The following TUSC3 variants were observed in gnomAD, a reference collection of about 807,000 sequenced individuals.
TUSC3 encodes the protein tumor suppressor candidate 3, also known as dolichyl-diphosphooligosaccharide--protein glycosyltransferase subunit TUSC3.
A neutral mutation model predicts 44.8 loss-of-function variants in TUSC3; 45 were observed. The observed-to-expected ratio is 1.00, with a 90% CI of 0.79 to 1.29. The LOEUF is 1.29. Among genes scored for constraint, TUSC3 ranks in the 50% most tolerant of loss-of-function variants. The probability of loss-of-function intolerance (pLI) is 0.00; values close to 1 mark genes in which losing one functional copy is unlikely to be tolerated. For missense variants in TUSC3, 519 were observed against 437.9 expected (o/e 1.19, Z -1.65); for synonymous variants, 212 against 152.9 (o/e 1.39, Z -2.85).
At chr8:15,505,337 T>C (rs1801038109) in intron 2 of TUSC3, among the ~76,000 whole-genome samples, 2 of 152,246 alleles carry the variant, frequency 1.3e-5, no homozygotes, top group Non-Finnish European at 2.9e-5. Flanking sequence ...GCCAGACTTT[T>C]CATGTGTTAT....
intron 9 of TUSC3, among the ~76,000 whole-genome samples, chr8:15,750,568 A>T (rs1811654577): frequency 1.3e-5 from 2 of 152,100 alleles, no homozygotes; most frequent in Non-Finnish European, 1.5e-5. Context: ...TTAGTATAAT[A>T]ACTCTCTACT....
intron 2 of TUSC3, among the ~76,000 whole-genome samples, chr8:15,505,551 C>T (rs571236816): frequency 1.2e-3 from 180 of 152,194 alleles, no homozygotes; most frequent in African/African-American, 4.1e-3. Context: ...CTTCCGATTC[C>T]ATAGTTTCCT....
At chr8:15,525,002 C>G (rs1801354717) in intron 2 of TUSC3, among the ~76,000 whole-genome samples, 1 of 152,112 alleles carries the variant, frequency 6.6e-6, no homozygotes, top group Non-Finnish European at 1.5e-5. Flanking sequence ...TTTTAGAACA[C>G]TGAAAGATAA....
At chr8:15,752,143 T>A (rs1811733763) in intron 9 of TUSC3, among the ~76,000 whole-genome samples, 1 of 152,116 alleles carries the variant, frequency 6.6e-6, no homozygotes, top group Admixed American at 6.6e-5. Flanking sequence ...AAGATCACTG[T>A]GGGTCTGAGA....
intron 7 of TUSC3, among the ~76,000 whole-genome samples, chr8:15,733,141 G>A (rs193268111): frequency 9.2e-5 from 14 of 152,226 alleles, no homozygotes; most frequent in Admixed American, 9.2e-4. Flanking sequence ...TGCCTTCGGT[G>A]AGAAAAGGAA....
intron 6 of TUSC3, chr8:15,689,144 C>T (rs1028241726): frequency 6.2e-5 from 25 of 403,036 alleles, no homozygotes; most frequent in Non-Finnish European, 9.4e-5. Flanking sequence ...GCTCATTTAT[C>T]GCTTTTTCTT....
chr8:15,819,692 T>C, the TUSC3 span, among the ~76,000 whole-genome samples: 2 of 152,218 alleles, frequency 1.3e-5, no homozygotes, highest in Non-Finnish European at 2.9e-5. Flanking sequence ...TTTCATTCAC[T>C]GAGTGCGACT....
chr8:15,768,297 G>T (rs1235756648), downstream of TUSC3, among the ~76,000 whole-genome samples: 1 of 152,074 alleles, frequency 6.6e-6, no homozygotes, highest in African/African-American at 2.4e-5. Context: ...TACATAAACT[G>T]CAATTCACAA....
intron 1 of TUSC3, among the ~76,000 whole-genome samples, chr8:15,612,521 T>C (rs888779800): frequency 6.6e-6 from 1 of 152,212 alleles, no homozygotes; most frequent in Admixed American, 6.5e-5. Context: ...AATGGAGTGG[T>C]GTCATAATTT....
upstream of TUSC3, among the ~76,000 whole-genome samples, chr8:15,537,826 T>A (rs981209332): frequency 6.6e-6 from 1 of 152,138 alleles, no homozygotes; most frequent in African/African-American, 2.4e-5. Flanking sequence ...GAGTTGTGAT[T>A]ATGTTGAGTA....
intron 1 of TUSC3, among the ~76,000 whole-genome samples, chr8:15,469,288 A>T (rs913689953): frequency 1.3e-5 from 2 of 152,350 alleles, no homozygotes; most frequent in South Asian, 4.1e-4. Flanking sequence ...TATCCAAAAT[A>T]TACAAAGAAC....
chr8:15,569,732 G>A (rs1802802139), intron 1 of TUSC3, among the ~76,000 whole-genome samples: 2 of 152,070 alleles, frequency 1.3e-5, no homozygotes, highest in South Asian at 4.1e-4. Flanking sequence ...AGTGTTTGAT[G>A]CATTTTTGTT....
chr8:15,574,852 A>G (rs1054950090), intron 1 of TUSC3, among the ~76,000 whole-genome samples: 2 of 152,186 alleles, frequency 1.3e-5, no homozygotes, highest in African/African-American at 4.8e-5. Flanking sequence ...TAGAGCAATC[A>G]GCCAGTTAGA....
chr8:15,546,353 T>G (rs929729958), intron 1 of TUSC3, among the ~76,000 whole-genome samples: 17 of 151,808 alleles, frequency 1.1e-4, no homozygotes, highest in African/African-American at 3.9e-4. Context: ...AATACAGCTT[T>G]GTAGTTCTTA....
chr8:15,803,537 G>T, the TUSC3 span, among the ~76,000 whole-genome samples: 1 of 152,124 alleles, frequency 6.6e-6, no homozygotes. Flanking sequence ...AGCATAAAAG[G>T]TTAAATAGAT....
intron 1 of TUSC3, among the ~76,000 whole-genome samples, chr8:15,597,718 C>G (rs535950730): frequency 2.9e-3 from 435 of 152,082 alleles, no homozygotes; most frequent in Non-Finnish European, 5.2e-3. Context: ...TTGAAAATGA[C>G]CAGATATCTG....
At chr8:15,623,758 A>T in intron 2 of TUSC3, among the ~76,000 whole-genome samples, 1 of 152,138 alleles carries the variant, frequency 6.6e-6, no homozygotes. Flanking sequence ...AAAGTATACA[A>T]CAAACACTTT....
chr8:15,678,744 C>G (rs1808293318), intron 6 of TUSC3, among the ~76,000 whole-genome samples: 1 of 152,116 alleles, frequency 6.6e-6, no homozygotes, highest in Admixed American at 6.6e-5. Context: ...GGCCATCACA[C>G]AGATAGGAAT....
chr8:15,437,224 G>A (rs1230246660), intron 1 of TUSC3, among the ~76,000 whole-genome samples: 3 of 152,054 alleles, frequency 2.0e-5, no homozygotes, highest in Non-Finnish European at 4.4e-5. Context: ...GGAGATAATT[G>A]CAAAGTTTAA....
Sources: gnomAD v4.1 joint callset for allele counts (sites outside exome capture counted in the v4.1 genomes callset) on GRCh38, gnomAD v4.1.1 for gene constraint, MANE v1.5 for transcripts, NCBI Gene and HGNC (gene_info 2026-07-23, HGNC 2026-07-21) for gene names.